The following KDM3B variants were observed in gnomAD, a reference collection of about 807,000 sequenced individuals.
KDM3B encodes the protein lysine demethylase 3B, also known as lysine-specific demethylase 3B.
A neutral mutation model predicts 170.0 loss-of-function variants in KDM3B; 10 were observed. The observed-to-expected ratio is 0.06, with a 90% confidence interval of 0.04 to 0.10. The LOEUF (loss-of-function observed/expected upper bound fraction) is 0.10. Ranked by LOEUF, KDM3B falls within the 10% of genes least tolerant of loss-of-function variation. The pLI is 1.00. For missense variants in KDM3B, 1,394 were observed against 2,195.2 expected, an observed-to-expected ratio of 0.64 and a Z score of 7.29; for synonymous variants, 831 against 834.8, an observed-to-expected ratio of 1.00 and a Z score of 0.08.
chr5:138,427,336 A>G lies in KDM3B; in HGVS notation c.4633+17A>G. 6.3e-7 allele frequency: 1 copy of G among 1,596,716 alleles called. No homozygotes were observed. Among genetic ancestry groups the G allele is most frequent in the Non-Finnish European group, 8.6e-7 (1 of 1,167,092 alleles). ...ACGCCTATGGTATGAGGGAGAGGCT[A>G]AAATTGCTCTTTTGGGGGACTGTTG... On this transcript the variant is annotated intron_variant, in intron 19 of 23. Coordinates refer to ENST00000314358, the MANE Select transcript of KDM3B (RefSeq NM_016604.4).
chr5:138,411,185 C>T (rs898895186), intron 11 of KDM3B, among the ~76,000 whole-genome samples: 1 of 152,230 alleles, frequency 6.6e-6, no homozygotes. Context: ...CAAATGCTGG[C>T]GTCACCGCTA....
At chr5:138,381,255 A>G (rs931659668) in intron 5 of KDM3B, among the ~76,000 whole-genome samples, 17 of 152,330 alleles carry the variant, frequency 1.1e-4, no homozygotes, top group African/African-American at 3.8e-4. Context: ...TTAGAGATAC[A>G]GGATTCAGAA....
chr5:138,353,053 G>A (rs1012009829), intron 1 of KDM3B, 66 bp downstream of exon 1: 5 of 1,171,410 alleles, frequency 4.3e-6, no homozygotes, highest in African/African-American at 3.2e-5. Context: ...CCTCCCCGGG[G>A]GCCTTTGTGA....
intron 12 of KDM3B, among the ~76,000 whole-genome samples, chr5:138,416,227 C>G (rs917391100): frequency 5.9e-5 from 9 of 152,104 alleles, no homozygotes; most frequent in African/African-American, 2.2e-4. Flanking sequence ...TCTGTACTTC[C>G]ATTAACATAC....
At chr5:138,398,480 C>A in intron 10 of KDM3B, 88 bp downstream of exon 10, 2 of 1,134,238 alleles carry the variant, frequency 1.8e-6, no homozygotes, top group Non-Finnish European at 1.3e-6. Context: ...GGGACAGTGG[C>A]AGATGGCATT....
Position 138,386,321 on chromosome 5 carries a change from C to T in KDM3B, c.1080C>T (p.Thr360=), listed in dbSNP as rs374943453. ...GCAACATTCGCTTTGCCACTTACACCAAAGAAAACGGCAGGACTCTGGTGG... is the reference window on the plus strand; with the variant it reads ...GCAACATTCGCTTTGCCACTTACACTAAAGAAAACGGCAGGACTCTGGTGG... ...INRNIRFATY[T]KENGRTLVVQ... is the part of the protein sequence containing the mutation. The change falls in exon 7 of 24, where the codon ACC becomes ACT. Residue 360 remains threonine (T), a synonymous_variant. Transcript: ENST00000314358. 5 of 1,614,056 alleles carry T rather than the reference C, an allele frequency of 3.1e-6. No individual in the cohort carries two copies. Among genetic ancestry groups the T allele is most frequent in the Non-Finnish European group, 4.2e-6 (5 of 1,180,042 alleles).
intron 11 of KDM3B, among the ~76,000 whole-genome samples, chr5:138,405,671 C>T (rs2126970149): frequency 6.6e-6 from 1 of 152,286 alleles, no homozygotes; most frequent in African/African-American, 2.4e-5. Flanking sequence ...TAATGAAGAA[C>T]ATCCTACATG....
At position 138,391,640 on chromosome 5, in the gene KDM3B, G is replaced by A. The variant is rs986478386; in HGVS notation, c.2008G>A (p.Val670Met). ...TTCTGCTACCACTGTCACCTCCAAG[G>A]TGGCACCCAGCTGGCCCGAGTCTCA... ...SSSATTVTSK[V>M]APSWPESHSS... Residue 670 changes from valine (V) to methionine (M), a missense_variant, in exon 8 of 24, where the codon GTG becomes ATG. By Grantham distance (21) the Val-to-Met change is conservative. Transcript: ENST00000314358. The surrounding 1 kb of genome is among the most constrained non-coding windows in gnomAD (Gnocchi z 5.0). 2.5e-6 allele frequency: 4 copies of A among 1,613,900 alleles called. No homozygotes were observed. In the African/African-American group the frequency reaches 5.3e-5, roughly 22 times the overall value.
At chr5:138,383,037 G>C (rs978201382) in intron 6 of KDM3B, among the ~76,000 whole-genome samples, 1 of 152,174 alleles carries the variant, frequency 6.6e-6, no homozygotes, top group African/African-American at 2.4e-5. Context: ...CTCACTGTAA[G>C]TAGGACTTAC....
chr5:138,414,200 C>G (rs1298283864), intron 11 of KDM3B, among the ~76,000 whole-genome samples: 2 of 152,006 alleles, frequency 1.3e-5, no homozygotes, highest in Admixed American at 6.6e-5. Flanking sequence ...GAGTCTCGCT[C>G]TGTCGCCCAG....
intron 9 of KDM3B, among the ~76,000 whole-genome samples, chr5:138,397,067 A>G (rs4835787): frequency 0.17 from 25,274 of 152,180 alleles, 2,777 homozygotes; most frequent in South Asian, 0.3. Context: ...GCAGTGGCTC[A>G]CGCCTGTAAT....
At chr5:138,388,153 A>G (rs1352269031) in intron 7 of KDM3B, among the ~76,000 whole-genome samples, 1 of 152,068 alleles carries the variant, frequency 6.6e-6, no homozygotes, top group East Asian at 1.9e-4. Context: ...TACAAAATAG[A>G]CCAGGTTTTA....
At chr5:138,397,948 G>A (rs1762588102) in intron 9 of KDM3B, 1 of 426,116 alleles carries the variant, frequency 2.3e-6, no homozygotes, top group South Asian at 4.0e-5. Flanking sequence ...CAGGTGAATG[G>A]AAAAACTAAG....
intron 15 of KDM3B, among the ~76,000 whole-genome samples, chr5:138,423,431 C>T (rs1205946331): frequency 1.3e-5 from 2 of 152,104 alleles, no homozygotes; most frequent in African/African-American, 4.8e-5. Context: ...TAAAAGCTTC[C>T]CTACCTTCAG....
At chr5:138,383,697 T>C (rs1762180806) in intron 6 of KDM3B, among the ~76,000 whole-genome samples, 1 of 152,106 alleles carries the variant, frequency 6.6e-6, no homozygotes, top group Admixed American at 6.6e-5. Context: ...TTAAAAGCTT[T>C]TAAAAATCAA....
chr5:138,425,562 A>G lies in KDM3B; in HGVS notation c.4391A>G (p.Asp1464Gly). 1 of 1,614,022 alleles carries G rather than the reference A, an allele frequency of 6.2e-7. No homozygotes were observed. The highest frequency in any genetic ancestry group is 8.5e-7 in the Non-Finnish European group (1 of 1,179,964). Residue 1464 changes from aspartate to glycine, a missense_variant, in exon 17 of 24, where the codon GAT (aspartate) becomes GGT (glycine). Asp to Gly is a moderately conservative substitution (Grantham distance 94). Around this residue, in one of 19 missense-constraint regions of KDM3B, gnomAD observed 66 missense variants for 178.8 expected, o/e 0.37. Coordinates refer to ENST00000314358, the MANE Select transcript of KDM3B (RefSeq NM_016604.4). ...GATGTGAAAGTTCGGGATTTCTGGGATGGTTTCGAGATCATATGCAGTAAG... is the reference window on the plus strand; with the variant it reads ...GATGTGAAAGTTCGGGATTTCTGGGGTGGTTTCGAGATCATATGCAGTAAG... ...ISDVKVRDFW[D>G]GFEIICKRLR...
Position 138,388,493 on chromosome 5 carries a change from G to T in KDM3B, c.1380+1872G>T, listed in dbSNP as rs866611167. Among the ~76,000 whole-genome samples, 5 of 152,144 alleles carry T rather than the reference G, an allele frequency of 3.3e-5. No homozygotes were observed. The Middle Eastern group carries it at 0.017, about 517-fold the overall frequency. On this transcript the variant is annotated intron_variant, in intron 7 of 23. Transcript: ENST00000314358. ...TAAAAATACAAAAAATTAGCTGGGCGTGGTGGCAAGCGCCTGTAGTCTCAG... is the reference window on the plus strand; with the variant it reads ...TAAAAATACAAAAAATTAGCTGGGCTTGGTGGCAAGCGCCTGTAGTCTCAG...
chr5:138,427,386 A>G, intron 19 of KDM3B, 67 bp downstream of exon 19: 1 of 1,540,492 alleles, frequency 6.5e-7, no homozygotes, highest in South Asian at 1.2e-5. Flanking sequence ...ATAGAAGGAT[A>G]TCTGTGGTCA....
chr5:138,356,140 A>T (rs1231477286), intron 1 of KDM3B, among the ~76,000 whole-genome samples: 2 of 152,160 alleles, frequency 1.3e-5, no homozygotes, highest in Non-Finnish European at 2.9e-5. Flanking sequence ...ATGGACATTC[A>T]GGTTATCTAA....
Sources: gnomAD v4.1 joint callset for allele counts (sites outside exome capture counted in the v4.1 genomes callset) on GRCh38, gnomAD v4.1.1 for gene constraint, gnomAD v4.1.1 regional missense constraint, Gnocchi (gnomAD v3.1) non-coding constraint, MANE v1.5 for transcripts, NCBI Gene and HGNC (gene_info 2026-07-23, HGNC 2026-07-21) for gene names.